Variants in USP10 observed in about 807,000 individuals in gnomAD.
USP10 encodes ubiquitin specific peptidase 10, also known as ubiquitin carboxyl-terminal hydrolase 10.
A neutral mutation model predicts 84.5 loss-of-function variants in USP10; 22 were observed. The ratio of observed to expected loss-of-function variants is 0.26; its 90% CI spans 0.19 to 0.37. The LOEUF (loss-of-function observed/expected upper bound fraction) is 0.37, where lower values mean the gene tolerates loss of function less well. USP10 is among the 10% of genes least tolerant of loss of function. The pLI, the probability that USP10 is intolerant of heterozygous loss-of-function variation, is 1.00. For missense variants in USP10, 1,019 were observed against 998.9 expected, an observed-to-expected ratio of 1.02 and a Z score of -0.27; for synonymous variants, 454 against 387.6, an observed-to-expected ratio of 1.17 and a Z score of -2.01.
At chr16:84,760,439 C>G (rs934194416) in intron 8 of USP10, among the ~76,000 whole-genome samples, 164 bp downstream of exon 8, 10 of 152,190 alleles carry the variant, frequency 6.6e-5, no homozygotes, top group Non-Finnish European at 1.5e-4. Context: ...CCAAGCACTG[C>G]TCTCAGTACT....
Sources: allele counts gnomAD v4.1 joint callset (sites outside exome capture counted in the v4.1 genomes callset), GRCh38; gene constraint gnomAD v4.1.1; transcripts MANE v1.5; gene names NCBI Gene and HGNC (gene_info 2026-07-23, HGNC 2026-07-21).